Variants in PPEF2 observed in about 807,000 individuals in gnomAD.
PPEF2 encodes the protein serine/threonine-protein phosphatase with EF-hands 2.
In PPEF2, 84 loss-of-function variants were observed where a neutral mutation model predicts 84.7. The observed-to-expected ratio is 0.99, with a 90% confidence interval of 0.83 to 1.19. The LOEUF (loss-of-function observed/expected upper bound fraction) is 1.19, where lower values mean the gene tolerates loss of function less well. PPEF2 is among the 50% of genes most tolerant of loss of function. The pLI, the probability that PPEF2 is intolerant of heterozygous loss-of-function variation, is 0.00. For synonymous variants in PPEF2, 346 were observed against 345.2 expected (o/e 1.00, Z -0.03); for missense variants, 924 against 937.5 (o/e 0.99, Z 0.19).
intron 1 of PPEF2, among the ~76,000 whole-genome samples, chr4:75,899,929 G>A (rs1193691588): frequency 6.6e-6 from 1 of 152,184 alleles, no homozygotes; most frequent in Non-Finnish European, 1.5e-5. Context: ...TTTGATGTGG[G>A]TGAGAATTTT....
At chr4:75,885,306 A>ATATT (rs549415548) in intron 7 of PPEF2, among the ~76,000 whole-genome samples, 6 of 152,034 alleles carry the variant, frequency 3.9e-5, no homozygotes, top group East Asian at 1.9e-4. Context: ...CAATTGCTAA[A>ATATT]TATTTATTTA....
At chr4:75,884,295 G>T (rs1324127792) in intron 8 of PPEF2, among the ~76,000 whole-genome samples, 2 of 152,044 alleles carry the variant, frequency 1.3e-5, no homozygotes, top group African/African-American at 4.8e-5. Flanking sequence ...GGGCATGGTG[G>T]TGCGTGCCTG....
rs1266452620 is a variant in PPEF2 at position 75,877,003 on chromosome 4, G to GAAA, written c.934-333_934-331dup. Reference sequence around the variant, plus strand: ...AGCCTGAGCAACAGAGGGAGACCCTGAAAAAAGAAAGAAAGAAAGAAAGAA... The same window carrying GAAA: ...AGCCTGAGCAACAGAGGGAGACCCTGAAAAAAAAAGAAAGAAAGAAAGAAAGAA... On this transcript the variant is annotated intron_variant, in intron 10 of 16. Transcript: ENST00000286719. Among the ~76,000 whole-genome samples the GAAA allele has an allele frequency of 1.7e-3, 5 of 2,900 alleles. No individual in the cohort carries two copies. In the Non-Finnish European group the frequency reaches 0.023, roughly 13 times the overall value. 1.9% of individuals were successfully genotyped at this position (2,900 alleles called of 152,430 possible).
chr4:75,886,711 C>T (rs562413899), intron 7 of PPEF2, 141 bp downstream of exon 7: 57 of 388,678 alleles, frequency 1.5e-4, no homozygotes, highest in African/African-American at 1.1e-3. Flanking sequence ...CAGATTGAGA[C>T]CCCCATCTCA....
rs1477481489 is a variant in PPEF2, at chr4:75,896,260, G to A, written c.55+11C>T. 6.2e-7 allele frequency: 1 copy of A among 1,613,592 alleles called. No homozygotes were observed. Among genetic ancestry groups the A allele is most frequent in the East Asian group, 2.2e-5 (1 of 44,892 alleles). ...TACCCACAGCTGGTTTGGAAAGTGG[G>A]AAACACGTACCTCTCTCTGCATTCT... On this transcript the variant is annotated intron_variant, in intron 2 of 16. Coordinates refer to ENST00000286719, the MANE Select transcript of PPEF2 (RefSeq NM_006239.3).
At chr4:75,877,115 A>G (rs144745376) in intron 10 of PPEF2, among the ~76,000 whole-genome samples, 2,707 of 151,974 alleles carry the variant, frequency 0.018, 70 homozygotes, top group African/African-American at 0.062. Flanking sequence ...CAGGCTGATC[A>G]CCTGCCTGAA....
intron 7 of PPEF2, among the ~76,000 whole-genome samples, chr4:75,885,141 G>A (rs554293199): frequency 2.0e-5 from 3 of 152,246 alleles, no homozygotes; most frequent in African/African-American, 7.2e-5. Flanking sequence ...AATGCTTTGG[G>A]AAATGTAGTA....
chr4:75,884,684 A>ATC lies in PPEF2; in HGVS notation c.654_655dup (p.Ile219ArgfsTer3), dbSNP rs905106671. The ATC allele has an allele frequency of 2.5e-6, 4 of 1,613,734 alleles. No homozygotes were observed. Among genetic ancestry groups the ATC allele is most frequent in the Non-Finnish European group, 3.4e-6 (4 of 1,179,864 alleles). ...CATGAAGGCAAAAAGAATCATCAGG[A>ATC]TCTCTACTGAATCCTTGCCTCGATC... is the stretch of plus-strand genomic sequence containing the variant. On this transcript the variant is annotated frameshift_variant, in exon 8 of 17. Transcript: ENST00000286719. LOFTEE classifies it high-confidence loss of function.
chr4:75,873,332 A>T lies in PPEF2; in HGVS notation c.1321-20T>A, dbSNP rs1268279885. 1.1e-5 allele frequency: 17 copies of T among 1,581,286 alleles called. No homozygotes were observed. Among genetic ancestry groups the T allele is most frequent in the Non-Finnish European group, 1.4e-5 (16 of 1,162,646 alleles). ...TACAACCTGAGAAGACCAAGAGATG[A>T]TTTCCTTCCCAAAAACTAGATACAT... On this transcript the variant is annotated intron_variant, in intron 11 of 16. Transcript: ENST00000286719.
rs1360255881 is a variant in PPEF2, at chr4:75,860,695, C to G, written c.2234G>C (p.Ser745Thr). Residue 745 changes from serine to threonine, a missense_variant, in exon 17 of 17, where the codon AGT becomes ACT. Coordinates refer to ENST00000286719, the MANE Select transcript of PPEF2 (RefSeq NM_006239.3). Reference protein sequence around the residue: ...ECPQATNAKDSGCSSPGAH With the variant: ...ECPQATNAKDTGCSSPGAH ...GTGTGCACCTGGACTGCTGCAGCCA[C>G]TGTCTTTAGCATTTGTAGCTTGTGG... The G allele has an allele frequency of 1.2e-6, 2 of 1,614,232 alleles. No individual in the cohort carries two copies. The highest frequency in any genetic ancestry group is 1.7e-4 in the Middle Eastern group (1 of 6,044).
intron 6 of PPEF2, 86 bp downstream of exon 6, chr4:75,888,127 CA>C (rs1302003393): frequency 6.8e-6 from 7 of 1,034,862 alleles, no homozygotes; most frequent in Non-Finnish European, 1.1e-5. Context: ...CATCTCCCTG[CA>C]GCCCGCCACT....
At chr4:75,883,417 A>G (rs1724629779) in intron 8 of PPEF2, 1 of 573,420 alleles carries the variant, frequency 1.7e-6, no homozygotes, top group Non-Finnish European at 3.1e-6. Flanking sequence ...ACTTATCTGT[A>G]TTTCCTGCTT....
At chr4:75,894,759 C>T (rs1045109902) in intron 2 of PPEF2, among the ~76,000 whole-genome samples, 1 of 152,158 alleles carries the variant, frequency 6.6e-6, no homozygotes, top group Non-Finnish European at 1.5e-5. Context: ...TCTAATAAAT[C>T]TCTGCCTACC....
rs1724329592 is a variant in PPEF2 at position 75,873,287 on chromosome 4, G to A, written c.1346C>T (p.Pro449Leu). ...RQVVDILWSD[P>L]MAQEGCKANT... ...GGCCTTGCAGCCCTCTTGAGCCATGGGATCACTCCACAGGATATCTACAAC... is the reference window on the plus strand; with the variant it reads ...GGCCTTGCAGCCCTCTTGAGCCATGAGATCACTCCACAGGATATCTACAAC... Residue 449 changes from proline to leucine, a missense_variant, in exon 12 of 17, where the codon CCC (proline) becomes CTC (leucine). Transcript: ENST00000286719. The A allele has an allele frequency of 1.2e-6, 2 of 1,613,614 alleles. No homozygotes were observed. The highest frequency in any genetic ancestry group is 2.2e-5 in the East Asian group (1 of 44,888).
At chr4:75,865,743 C>G (rs150100575) in intron 15 of PPEF2, among the ~76,000 whole-genome samples, 6 of 152,248 alleles carry the variant, frequency 3.9e-5, no homozygotes, top group African/African-American at 1.2e-4. Context: ...TGCAGTAACA[C>G]TGTTAAAAGA....
At chr4:75,893,958 T>G (rs752361951) in intron 2 of PPEF2, among the ~76,000 whole-genome samples, 1 of 152,202 alleles carries the variant, frequency 6.6e-6, no homozygotes, top group African/African-American at 2.4e-5. Context: ...TGCAGGATCT[T>G]TTAATATCCT....
chr4:75,892,098 A>G, intron 2 of PPEF2, 120 bp from the exon 3 acceptor site: 1 of 1,308,102 alleles, frequency 7.6e-7, no homozygotes, highest in Non-Finnish European at 1.1e-6. Context: ...AAGATGGAGC[A>G]GAAGCACTAC....
intron 7 of PPEF2, among the ~76,000 whole-genome samples, chr4:75,886,160 C>G (rs75375423): frequency 1.4e-4 from 21 of 152,142 alleles, no homozygotes; most frequent in African/African-American, 4.1e-4. Flanking sequence ...CAAAGCTACC[C>G]TCTGTGGGAT....
At chr4:75,875,791 C>T (rs1017423257) in intron 11 of PPEF2, among the ~76,000 whole-genome samples, 3 of 152,086 alleles carry the variant, frequency 2.0e-5, no homozygotes, top group Non-Finnish European at 4.4e-5. Flanking sequence ...TTCCTTCTTC[C>T]GTACTGACAG....
Sources: gnomAD v4.1 joint callset for allele counts (sites outside exome capture counted in the v4.1 genomes callset) on GRCh38, gnomAD v4.1.1 for gene constraint, MANE v1.5 for transcripts, NCBI Gene and HGNC (gene_info 2026-07-23, HGNC 2026-07-21) for gene names.